THSD7B: variants seen among roughly 807,000 people sequenced by gnomAD.
THSD7B encodes the protein thrombospondin type-1 domain-containing protein 7B.
In THSD7B, 138 loss-of-function variants were observed where a neutral mutation model predicts 213.6. The ratio of observed to expected loss-of-function variants is 0.65; its 90% CI spans 0.56 to 0.74. The LOEUF (loss-of-function observed/expected upper bound fraction) is 0.74, where lower values mean the gene tolerates loss of function less well. Ranked by LOEUF, THSD7B falls within the 30% of genes least tolerant of loss-of-function variation. THSD7B has a pLI of 0.00. For synonymous variants in THSD7B, 742 were observed against 687.0 expected (o/e 1.08, Z -1.25); for missense variants, 1,931 against 1,991.5 (o/e 0.97, Z 0.58).
At chr2:137,065,015 A>G (rs560080347) in intron 3 of THSD7B, among the ~76,000 whole-genome samples, 1 of 151,750 alleles carries the variant, frequency 6.6e-6, no homozygotes, top group African/African-American at 2.4e-5. Context: ...TTATGGTTCC[A>G]TATGAGTTTT....
At chr2:137,559,985 G>C (rs1011503765) in intron 15 of THSD7B, among the ~76,000 whole-genome samples, 8 of 152,282 alleles carry the variant, frequency 5.3e-5, no homozygotes, top group African/African-American at 1.9e-4. Flanking sequence ...GGCCATCAGA[G>C]AAATGCAAAT....
At chr2:137,442,480 C>G (rs994399860) in intron 14 of THSD7B, among the ~76,000 whole-genome samples, 2 of 132,776 alleles carry the variant, frequency 1.5e-5, no homozygotes, top group Admixed American at 7.3e-5. Flanking sequence ...GCCACAGGGT[C>G]TCTCACTATT....
At chr2:137,048,847 T>C (rs1412720122) in intron 2 of THSD7B, among the ~76,000 whole-genome samples, 2 of 152,210 alleles carry the variant, frequency 1.3e-5, no homozygotes, top group South Asian at 2.1e-4. Flanking sequence ...CTGTGTAGTA[T>C]AAAGCGAACA....
intron 7 of THSD7B, among the ~76,000 whole-genome samples, chr2:137,189,350 T>C (rs1427571748): frequency 6.6e-6 from 1 of 152,028 alleles, no homozygotes; most frequent in Non-Finnish European, 1.5e-5. Flanking sequence ...ACAACAAAAA[T>C]CCCCCTGTAT....
chr2:136,877,347 G>A (rs913011945), intron 1 of THSD7B, among the ~76,000 whole-genome samples: 3 of 152,120 alleles, frequency 2.0e-5, no homozygotes, highest in Non-Finnish European at 4.4e-5. Context: ...AGGAAATGTG[G>A]CCAATTCAGT....
chr2:136,888,575 T>G (rs1683761381), intron 2 of THSD7B, among the ~76,000 whole-genome samples: 1 of 152,146 alleles, frequency 6.6e-6, no homozygotes, highest in Admixed American at 6.5e-5. Flanking sequence ...TCATTTTAAT[T>G]ACTTCCATGG....
chr2:137,439,089 A>G (rs1687347826), intron 14 of THSD7B, among the ~76,000 whole-genome samples: 1 of 152,114 alleles, frequency 6.6e-6, no homozygotes, highest in Non-Finnish European at 1.5e-5. Flanking sequence ...TTTAGAGGGA[A>G]CACAGCCCTG....
At chr2:137,447,937 A>G (rs906238294) in intron 14 of THSD7B, among the ~76,000 whole-genome samples, 1 of 152,192 alleles carries the variant, frequency 6.6e-6, no homozygotes, top group Non-Finnish European at 1.5e-5. Context: ...ATATGAAGAG[A>G]GAAGAAAAAA....
intron 1 of THSD7B, among the ~76,000 whole-genome samples, chr2:136,833,392 A>C (rs1432288207): frequency 7.6e-6 from 1 of 131,088 alleles, no homozygotes; most frequent in African/African-American, 2.7e-5. Context: ...AAAAAGAGAG[A>C]GAGAGAGGGC....
chr2:137,259,496 G>A (rs900579585), intron 10 of THSD7B, among the ~76,000 whole-genome samples: 5 of 152,110 alleles, frequency 3.3e-5, no homozygotes, highest in African/African-American at 9.7e-5. Context: ...TTTGACAAGG[G>A]TCTGTTTATA....
chr2:137,564,541 C>T (rs971847486), intron 16 of THSD7B, among the ~76,000 whole-genome samples: 1 of 152,136 alleles, frequency 6.6e-6, no homozygotes, highest in Admixed American at 6.6e-5. Context: ...TTTCTGTCTC[C>T]TGTGTCTTAT....
At chr2:136,938,662 GTAT>G (rs1211845617) in intron 2 of THSD7B, among the ~76,000 whole-genome samples, 1 of 152,092 alleles carries the variant, frequency 6.6e-6, no homozygotes, top group Non-Finnish European at 1.5e-5. Flanking sequence ...ATTAGACTTT[GTAT>G]TGAGGCACAT....
chr2:136,910,267 A>G (rs1431715245), intron 2 of THSD7B, among the ~76,000 whole-genome samples: 1 of 152,070 alleles, frequency 6.6e-6, no homozygotes, highest in Admixed American at 6.5e-5. Flanking sequence ...AAAAGAGTTC[A>G]GAGAGGAAGG....
At chr2:137,248,510 T>G (rs778350218) in intron 10 of THSD7B, among the ~76,000 whole-genome samples, 17 of 152,192 alleles carry the variant, frequency 1.1e-4, no homozygotes, top group Non-Finnish European at 1.5e-4. Flanking sequence ...CATTAACAGA[T>G]TATTCCACAG....
intron 1 of THSD7B, among the ~76,000 whole-genome samples, chr2:136,837,717 T>C (rs924634341): frequency 6.6e-5 from 10 of 152,356 alleles, no homozygotes; most frequent in African/African-American, 2.4e-4. Flanking sequence ...TGGTGATGAA[T>C]GAATGACTCA....
chr2:136,890,582 C>T (rs1683829954), intron 2 of THSD7B, among the ~76,000 whole-genome samples: 1 of 139,260 alleles, frequency 7.2e-6, no homozygotes, highest in Non-Finnish European at 1.5e-5. Context: ...CTCTGTCGCC[C>T]AGGCTGGAGT....
At chr2:137,364,867 C>T (rs1431809456) in intron 12 of THSD7B, among the ~76,000 whole-genome samples, 1 of 152,212 alleles carries the variant, frequency 6.6e-6, no homozygotes, top group Non-Finnish European at 1.5e-5. Flanking sequence ...CAATGACTTT[C>T]TTCACAAAAT....
rs185877687 is a variant in THSD7B, at chr2:137,377,961, T to C, written c.2501-27652T>C. 3.1e-3 allele frequency among the ~76,000 whole-genome samples: 472 copies of C among 152,264 alleles called. 2 individuals are homozygous for C. The highest frequency in any genetic ancestry group is 0.01 in the African/African-American group (434 of 41,544). On this transcript the variant is annotated intron_variant, in intron 12 of 27. Transcript: ENST00000409968. The stretch of plus-strand genomic sequence containing the variant: ...TTTAAAGTGTACTATTTGATGACTT[T>C]TAGTGTATCCACAGAGTTGTACGAC...
At chr2:136,985,573 G>A (rs1685657150) in intron 2 of THSD7B, among the ~76,000 whole-genome samples, 1 of 152,220 alleles carries the variant, frequency 6.6e-6, no homozygotes, top group South Asian at 2.1e-4. Context: ...GGATGTATGA[G>A]AAAGCCCTGG....
Sources: allele counts gnomAD v4.1 joint callset (sites outside exome capture counted in the v4.1 genomes callset), GRCh38; gene constraint gnomAD v4.1.1; transcripts MANE v1.5; gene names NCBI Gene and HGNC (gene_info 2026-07-23, HGNC 2026-07-21).